The following CSMD1 variants were observed in gnomAD, a reference collection of about 807,000 sequenced individuals.
The protein encoded by CSMD1 is CUB and sushi domain-containing protein 1.
A neutral mutation model predicts 417.5 loss-of-function variants in CSMD1; 213 were observed. The observed-to-expected ratio is 0.51, with a 90% CI of 0.46 to 0.57. The LOEUF (loss-of-function observed/expected upper bound fraction) is 0.57. Among genes scored for constraint, CSMD1 ranks in the 20% least tolerant of loss-of-function variants. The probability of loss-of-function intolerance (pLI) is 0.00; values close to 1 mark genes in which losing one functional copy is unlikely to be tolerated. For missense variants in CSMD1, 6,923 were observed against 4,529.7 expected, an observed-to-expected ratio of 1.53 and a Z score of -15.17; for synonymous variants, 2,862 against 1,736.8, an observed-to-expected ratio of 1.65 and a Z score of -16.11.
At chr8:3,044,493 A>G (rs1811307289) in intron 50 of CSMD1, among the ~76,000 whole-genome samples, 2 of 152,204 alleles carry the variant, frequency 1.3e-5, no homozygotes, top group Non-Finnish European at 2.9e-5. Context: ...AATACACAGT[A>G]TATGATACAC....
At chr8:3,992,856 G>A (rs774542931) in intron 5 of CSMD1, among the ~76,000 whole-genome samples, 6 of 152,236 alleles carry the variant, frequency 3.9e-5, no homozygotes, top group African/African-American at 7.2e-5. Flanking sequence ...GCATTGCTGC[G>A]TGGTCTCCTC....
chr8:3,414,960 C>CT (rs537309516), intron 12 of CSMD1, among the ~76,000 whole-genome samples: 232 of 152,240 alleles, frequency 1.5e-3, no homozygotes, highest in Non-Finnish European at 1.3e-3. Flanking sequence ...ATTATATGTA[C>CT]TTTTTGTGCT....
At chr8:3,155,571 G>C (rs539409304) in intron 39 of CSMD1, among the ~76,000 whole-genome samples, 6 of 151,370 alleles carry the variant, frequency 4.0e-5, no homozygotes, top group Non-Finnish European at 7.4e-5. Context: ...ATTTTACCGT[G>C]TTAGCCAGGA....
chr8:4,419,485 A>G (rs1016822570), intron 3 of CSMD1, among the ~76,000 whole-genome samples: 2 of 152,172 alleles, frequency 1.3e-5, no homozygotes, highest in African/African-American at 4.8e-5. Flanking sequence ...TATGCCTTGC[A>G]TGATCAAACA....
intron 7 of CSMD1, among the ~76,000 whole-genome samples, chr8:3,629,972 G>A (rs1465838472): frequency 6.6e-6 from 1 of 152,040 alleles, no homozygotes; most frequent in Non-Finnish European, 1.5e-5. Context: ...TTTAAAAACT[G>A]GCAAAAAATG....
At chr8:3,628,064 G>A (rs1029331361) in intron 7 of CSMD1, among the ~76,000 whole-genome samples, 1 of 152,072 alleles carries the variant, frequency 6.6e-6, no homozygotes, top group Admixed American at 6.5e-5. Context: ...AACAGAACGT[G>A]GTGTAATTCT....
At chr8:4,160,287 G>A (rs892226947) in intron 3 of CSMD1, among the ~76,000 whole-genome samples, 1 of 152,074 alleles carries the variant, frequency 6.6e-6, no homozygotes, top group Admixed American at 6.5e-5. Context: ...GGAAAGTACT[G>A]AATTTAGGAA....
chr8:4,221,947 C>T (rs1010988203), intron 3 of CSMD1, among the ~76,000 whole-genome samples: 1 of 152,122 alleles, frequency 6.6e-6, no homozygotes, highest in African/African-American at 2.4e-5. Context: ...AGTAACAACA[C>T]TGTCCAGCAC....
chr8:2,995,826 A>C (rs1250316907), intron 54 of CSMD1, among the ~76,000 whole-genome samples: 1 of 152,238 alleles, frequency 6.6e-6, no homozygotes, highest in Non-Finnish European at 1.5e-5. Context: ...GATTTCATTC[A>C]TTTATATAAC....
rs114245511 is a variant in CSMD1, at chr8:4,206,662, T to C, written c.416-174563A>G. On this transcript the variant is annotated intron_variant, in intron 3 of 69. Coordinates refer to ENST00000635120, the MANE Select transcript of CSMD1 (RefSeq NM_033225.6). Reference sequence around the variant, plus strand: ...ATAAACGTATGTGTGCATGTGTCTTTACAGCAGCATGATCTAAAATCCTTT... The same window carrying C: ...ATAAACGTATGTGTGCATGTGTCTTCACAGCAGCATGATCTAAAATCCTTT... Among the ~76,000 whole-genome samples, 1,140 of 152,340 alleles carry C rather than the reference T, an allele frequency of 7.5e-3. 13 individuals carry two copies. The highest frequency in any genetic ancestry group is 0.026 in the African/African-American group (1,088 of 41,578).
intron 3 of CSMD1, among the ~76,000 whole-genome samples, chr8:4,412,630 C>T (rs1365364932): frequency 1.3e-5 from 2 of 152,154 alleles, no homozygotes; most frequent in African/African-American, 4.8e-5. Context: ...TGGTCTATTC[C>T]AACGGAATCA....
In CSMD1 at chr8:3,996,811, C is replaced by G. The variant is rs185736307; in HGVS notation, c.818+1092G>C. On this transcript the variant is annotated intron_variant, in intron 5 of 69. Coordinates refer to ENST00000635120, the MANE Select transcript of CSMD1 (RefSeq NM_033225.6). ...AAAATCAACCAGGAAAGGACTTCTCCATGAATAGGAATCATCAGCATTGAG... is the reference window on the plus strand; with the variant it reads ...AAAATCAACCAGGAAAGGACTTCTCGATGAATAGGAATCATCAGCATTGAG... Among the ~76,000 whole-genome samples the G allele has an allele frequency of 4.1e-4, 63 of 152,316 alleles. No homozygotes were observed. The East Asian group carries it at 0.01, about 24-fold the overall frequency.
chr8:4,833,006 G>C (rs1435690612), intron 1 of CSMD1, among the ~76,000 whole-genome samples: 1 of 152,124 alleles, frequency 6.6e-6, no homozygotes, highest in East Asian at 1.9e-4. Context: ...TAAAATAAAT[G>C]GACCGACCTT....
chr8:3,731,874 A>G (rs1252306522), intron 6 of CSMD1, among the ~76,000 whole-genome samples: 2 of 152,168 alleles, frequency 1.3e-5, no homozygotes, highest in Admixed American at 1.3e-4. Flanking sequence ...AAATGAGGAA[A>G]CTAAAGCTTA....
chr8:4,308,751 G>C (rs187022164), intron 3 of CSMD1, among the ~76,000 whole-genome samples: 1 of 152,170 alleles, frequency 6.6e-6, no homozygotes, highest in Non-Finnish European at 1.5e-5. Flanking sequence ...AAGACTGGCT[G>C]TTTGAGCGTG....
At chr8:4,740,448 C>A (rs942687514) in intron 1 of CSMD1, among the ~76,000 whole-genome samples, 2 of 152,072 alleles carry the variant, frequency 1.3e-5, no homozygotes, top group African/African-American at 4.8e-5. Flanking sequence ...TGAATGCAAT[C>A]CTAGGGTAGA....
chr8:4,509,172 T>C (rs1207063779), intron 2 of CSMD1, among the ~76,000 whole-genome samples: 1 of 152,198 alleles, frequency 6.6e-6, no homozygotes, highest in East Asian at 1.9e-4. Context: ...GTATTAATTC[T>C]TTCTTTTTAA....
At chr8:3,478,472 G>C (rs542893889) in intron 11 of CSMD1, among the ~76,000 whole-genome samples, 4 of 152,268 alleles carry the variant, frequency 2.6e-5, no homozygotes, top group South Asian at 4.1e-4. Context: ...TATCAGGCCT[G>C]ATAATGGCAC....
intron 29 of CSMD1, among the ~76,000 whole-genome samples, chr8:3,215,855 A>T (rs778720154): frequency 6.6e-6 from 1 of 151,966 alleles, no homozygotes; most frequent in Non-Finnish European, 1.5e-5. Flanking sequence ...AAGAGACCTG[A>T]TTAACTGTAT....
Sources: gnomAD v4.1 joint callset for allele counts (sites outside exome capture counted in the v4.1 genomes callset) on GRCh38, gnomAD v4.1.1 for gene constraint, MANE v1.5 for transcripts, NCBI Gene and HGNC (gene_info 2026-07-23, HGNC 2026-07-21) for gene names.